The following PKP2 variants were observed in gnomAD, a reference collection of about 807,000 sequenced individuals.
PKP2 encodes the protein plakophilin-2.
PKP2 carries 73 observed loss-of-function variants against 83.4 expected under a neutral mutation model. That is an observed-to-expected ratio of 0.88 (90% confidence interval 0.72 to 1.06). PKP2 has a LOEUF of 1.06. Among genes scored for constraint, PKP2 ranks in the 50% least tolerant of loss-of-function variants. The probability of loss-of-function intolerance (pLI) is 0.00; values close to 1 mark genes in which losing one functional copy is unlikely to be tolerated. For missense variants in PKP2, 966 were observed against 1,065.4 expected (o/e 0.91, Z 1.30); for synonymous variants, 409 against 430.4 (o/e 0.95, Z 0.62).
intron 1 of PKP2, among the ~76,000 whole-genome samples, chr12:32,880,378 C>T (rs956127512): frequency 5.9e-5 from 9 of 151,868 alleles, no homozygotes; most frequent in Non-Finnish European, 8.8e-5. Context: ...CCAGCCAGGG[C>T]GACAGAGCAA....
chr12:32,816,910 C>T (rs866504891), intron 9 of PKP2, among the ~76,000 whole-genome samples: 1 of 152,128 alleles, frequency 6.6e-6, no homozygotes, highest in African/African-American at 2.4e-5. Context: ...CTGTTCATGT[C>T]TTTGGCTCCC....
chr12:32,836,620 C>A (rs1006634096), intron 6 of PKP2, among the ~76,000 whole-genome samples: 9 of 152,168 alleles, frequency 5.9e-5, no homozygotes, highest in African/African-American at 2.2e-4. Context: ...TAATCTAAAT[C>A]AAACACAATG....
At position 32,800,138 on chromosome 12, in the gene PKP2, C is replaced by T. The variant is rs550384601; in HGVS notation, c.2167+2265G>A. 1.2e-4 allele frequency among the ~76,000 whole-genome samples: 18 copies of T among 152,252 alleles called. 1 individual carries two copies. The South Asian group carries it at 3.3e-3, about 28-fold the overall frequency. On this transcript the variant is annotated intron_variant, in intron 10 of 12. Transcript: ENST00000340811. ...TGCTGATCCCCACAGCTTCTGAATA[C>T]GTGTTGTGTTTATCAGCAATTAACA... is the stretch of plus-strand genomic sequence containing the variant.
intron 4 of PKP2, among the ~76,000 whole-genome samples, chr12:32,866,170 T>C (rs953939728): frequency 1.3e-5 from 2 of 151,924 alleles, no homozygotes; most frequent in African/African-American, 2.4e-5. Context: ...CAAAATTCAA[T>C]AATAAGAAAA....
In PKP2 at chr12:32,821,458, A is replaced by G; in HGVS notation, c.1911T>C (p.Ile637=). Residue 637 remains isoleucine, a synonymous_variant, in exon 9 of 13, where the codon ATT becomes ATC. Coordinates refer to ENST00000340811, the MANE Select transcript of PKP2 (RefSeq NM_001005242.3). ...PKGVEWLWHS[I]VIRMYLSLIA... is the part of the protein sequence containing the mutation. The stretch of plus-strand genomic sequence containing the variant: ...TCAAGGACAGATACATCCTTATAAC[A>G]ATGGAATGCCACAGCCACTCCACGC... 1 of 1,614,000 alleles carries G rather than the reference A, an allele frequency of 6.2e-7. No homozygotes were observed. Among genetic ancestry groups the G allele is most frequent in the Non-Finnish European group, 8.5e-7 (1 of 1,179,952 alleles).
chr12:32,815,377 C>A (rs1021080685), intron 9 of PKP2, among the ~76,000 whole-genome samples: 2 of 152,152 alleles, frequency 1.3e-5, no homozygotes, highest in Non-Finnish European at 2.9e-5. Context: ...TACAACTCTC[C>A]TAAACTGCCT....
At position 32,826,301 on chromosome 12, in the gene PKP2, G is replaced by A. The variant is rs866310887; in HGVS notation, c.1557-2139C>T. 1.4e-4 allele frequency among the ~76,000 whole-genome samples: 13 copies of A among 92,994 alleles called. No individual in the cohort carries two copies. In the Middle Eastern group the frequency reaches 0.019, roughly 138 times the overall value. The allele number at this position is 92,994 out of a possible 152,430, so 61.0% of individuals were successfully genotyped here. A position where few individuals can be genotyped will look rare whatever the true frequency, so the allele number is the denominator to read the frequency against. On this transcript the variant is annotated intron_variant, in intron 6 of 12. Coordinates refer to ENST00000340811, the MANE Select transcript of PKP2 (RefSeq NM_001005242.3). Reference sequence around the variant, plus strand: ...AGCCCGGGTGACAAAGCTAGACACCGTCTCAAAAAAAAAAAAAAAAAAAAG... The same window carrying A: ...AGCCCGGGTGACAAAGCTAGACACCATCTCAAAAAAAAAAAAAAAAAAAAG...
intron 9 of PKP2, among the ~76,000 whole-genome samples, chr12:32,803,190 T>C (rs1166910161): frequency 2.6e-5 from 4 of 151,838 alleles, no homozygotes; most frequent in African/African-American, 7.3e-5. Context: ...GCCAACATGG[T>C]GAAACCCTGT....
At chr12:32,892,828 G>T (rs992752291) in intron 1 of PKP2, among the ~76,000 whole-genome samples, 1 of 129,484 alleles carries the variant, frequency 7.7e-6, no homozygotes, top group Admixed American at 7.6e-5. Context: ...CGGGGGGGGG[G>T]GGAGAACTGT....
intron 3 of PKP2, among the ~76,000 whole-genome samples, chr12:32,869,528 G>A (rs1017834117): frequency 2.0e-5 from 3 of 151,426 alleles, no homozygotes; most frequent in Non-Finnish European, 4.4e-5. Flanking sequence ...GAACCCAGGA[G>A]GTGGAGATTT....
chr12:32,882,667 G>A (rs1396004199), intron 1 of PKP2, among the ~76,000 whole-genome samples: 4 of 152,196 alleles, frequency 2.6e-5, no homozygotes, highest in East Asian at 3.8e-4. Flanking sequence ...AGCAACTTGT[G>A]TGAACTCCTT....
chr12:32,834,824 G>C (rs914358861), intron 6 of PKP2, among the ~76,000 whole-genome samples: 5 of 151,970 alleles, frequency 3.3e-5, no homozygotes, highest in Middle Eastern at 3.4e-3. Flanking sequence ...AATAAACATT[G>C]GTTTTATTGA....
intron 4 of PKP2, among the ~76,000 whole-genome samples, chr12:32,856,016 G>GT: frequency 6.6e-6 from 1 of 152,058 alleles, no homozygotes; most frequent in East Asian, 1.9e-4. Context: ...TTGAAGATAT[G>GT]TAAGTATATG....
intron 6 of PKP2, among the ~76,000 whole-genome samples, chr12:32,831,124 T>G (rs1231379649): frequency 2.0e-5 from 3 of 152,166 alleles, no homozygotes; most frequent in Admixed American, 1.3e-4. Context: ...TAAGAGCTAT[T>G]GCAACTTGAA....
At chr12:32,883,953 C>G (rs1957007772) in intron 1 of PKP2, among the ~76,000 whole-genome samples, 1 of 152,206 alleles carries the variant, frequency 6.6e-6, no homozygotes. Context: ...CCCCTTCTCC[C>G]TTGAAGCAGA....
At chr12:32,847,643 A>G (rs1956658777) in intron 5 of PKP2, among the ~76,000 whole-genome samples, 1 of 152,198 alleles carries the variant, frequency 6.6e-6, no homozygotes, top group South Asian at 2.1e-4. Flanking sequence ...ACCGGCAGCT[A>G]GTTTCTTTCT....
At chr12:32,888,239 T>C (rs1443901166) in intron 1 of PKP2, among the ~76,000 whole-genome samples, 1 of 152,246 alleles carries the variant, frequency 6.6e-6, no homozygotes, top group African/African-American at 2.4e-5. Flanking sequence ...TTCCTGCCAA[T>C]TATTTGCTGA....
chr12:32,866,550 CAAAAAAAAAAAA>C lies in PKP2; in HGVS notation c.1170+2365_1170+2376del, dbSNP rs56079220. Among the ~76,000 whole-genome samples, 141 of 36,216 alleles carry C rather than the reference CAAAAAAAAAAAA, an allele frequency of 3.9e-3. 1 individual carries two copies. Among genetic ancestry groups the C allele is most frequent in the African/African-American group, 0.016 (122 of 7,428 alleles). The allele number at this position is 36,216 out of a possible 152,430, so 23.8% of individuals were successfully genotyped here. A position where few individuals can be genotyped will look rare whatever the true frequency, so the allele number is the denominator to read the frequency against. ...TGGGCAACAGAGGCAGATCCTTTCT[CAAAAAAAAAAAA>C]AAAAAAAAAAAAAAAAAAGTTCAAC... On this transcript the variant is annotated intron_variant, in intron 4 of 12. Transcript: ENST00000340811.
At chr12:32,821,244 AC>A (rs1224321871) in intron 9 of PKP2, 111 bp downstream of exon 9, 1 of 1,003,308 alleles carries the variant, frequency 1.0e-6, no homozygotes, top group African/African-American at 1.6e-5. Flanking sequence ...AATTGTCTTT[AC>A]TAAAATAAGA....
Sources: allele counts gnomAD v4.1 joint callset (sites outside exome capture counted in the v4.1 genomes callset), GRCh38; gene constraint gnomAD v4.1.1; transcripts MANE v1.5; gene names NCBI Gene and HGNC (gene_info 2026-07-23, HGNC 2026-07-21).